CEP63: variants seen among roughly 807,000 people sequenced by gnomAD.
The protein encoded by CEP63 is centrosomal protein 63, also known as centrosomal protein of 63 kDa.
In CEP63, 84 loss-of-function variants were observed where a neutral mutation model predicts 89.1. The ratio of observed to expected loss-of-function variants is 0.94; its 90% CI spans 0.79 to 1.13. The LOEUF (loss-of-function observed/expected upper bound fraction) is 1.13. Among genes scored for constraint, CEP63 ranks in the 50% most tolerant of loss-of-function variants. The pLI, the probability that CEP63 is intolerant of heterozygous loss-of-function variation, is 0.00. For missense variants in CEP63, 838 were observed against 813.3 expected (o/e 1.03, Z -0.37); for synonymous variants, 267 against 272.5 (o/e 0.98, Z 0.20).
chr3:134,614,154 C>T, the CEP63 span, among the ~76,000 whole-genome samples: 3 of 152,014 alleles, frequency 2.0e-5, no homozygotes, highest in South Asian at 6.2e-4. Flanking sequence ...CCTGGAGAGC[C>T]CAAAGGTGGA....
the CEP63 span, among the ~76,000 whole-genome samples, chr3:134,770,186 A>G: frequency 1.3e-5 from 2 of 152,194 alleles, no homozygotes; most frequent in Non-Finnish European, 2.9e-5. Flanking sequence ...GCCCACTGAA[A>G]TCTCTTGGGA....
chr3:134,718,796 C>T, the CEP63 span, among the ~76,000 whole-genome samples: 7 of 152,308 alleles, frequency 4.6e-5, no homozygotes, highest in South Asian at 2.1e-4. Context: ...GATTCCAAAG[C>T]GGATTTGATC....
chr3:134,735,904 C>A, the CEP63 span, among the ~76,000 whole-genome samples: 139 of 152,086 alleles, frequency 9.1e-4, 1 homozygote, highest in South Asian at 0.013. Flanking sequence ...ACTAATCCCC[C>A]AACTCATTTA....
the CEP63 span, among the ~76,000 whole-genome samples, chr3:134,665,616 G>C: frequency 2.7e-5 from 4 of 149,432 alleles, no homozygotes; most frequent in East Asian, 8.0e-4. Flanking sequence ...CTCCAGGAAG[G>C]GTGAAGACAG....
intron 8 of CEP63, 115 bp from the exon 9 acceptor site, chr3:134,547,220 A>G (rs1475397565): frequency 4.4e-6 from 4 of 909,274 alleles, no homozygotes; most frequent in Non-Finnish European, 7.1e-6. Flanking sequence ...GCAGGAGACA[A>G]ACTTGAAGAG....
the CEP63 span, among the ~76,000 whole-genome samples, chr3:134,635,143 A>G: frequency 6.6e-6 from 1 of 152,252 alleles, no homozygotes. Flanking sequence ...TGAACTGGAA[A>G]CAACTTAAAC....
the CEP63 span, among the ~76,000 whole-genome samples, chr3:134,609,963 A>G: frequency 6.6e-6 from 1 of 152,136 alleles, no homozygotes; most frequent in African/African-American, 2.4e-5. Context: ...GGAGGGAGTT[A>G]TAGGGAGTCA....
At chr3:134,720,067 C>T in the CEP63 span, among the ~76,000 whole-genome samples, 83,832 of 151,996 alleles carry the variant, frequency 0.55, 24,653 homozygotes, top group East Asian at 0.78. Flanking sequence ...AGTGGCTGCA[C>T]CATTTTACAT....
At chr3:134,549,259 T>G in intron 10 of CEP63, 83 bp downstream of exon 10, 1 of 853,520 alleles carries the variant, frequency 1.2e-6, no homozygotes, top group South Asian at 1.4e-5. Flanking sequence ...GGGGTTATTT[T>G]TAATGAGAAA....
At chr3:134,711,280 A>T in the CEP63 span, among the ~76,000 whole-genome samples, 1 of 152,154 alleles carries the variant, frequency 6.6e-6, no homozygotes, top group Admixed American at 6.5e-5. Flanking sequence ...TCTCATTTTT[A>T]ATTTGCTTTA....
In CEP63 at chr3:134,562,066, G is replaced by T. The variant is rs549971647; in HGVS notation, c.*531G>T. 1.3e-4 allele frequency: 125 copies of T among 994,936 alleles called. No individual in the cohort carries two copies. Among genetic ancestry groups the T allele is most frequent in the Admixed American group, 6.2e-4 (11 of 17,670 alleles). 61.6% of individuals were successfully genotyped at this position (994,936 alleles called of 1,614,324 possible). A position where few individuals can be genotyped will look rare whatever the true frequency, so the allele number is the denominator to read the frequency against. The stretch of plus-strand genomic sequence containing the variant: ...AAAGTCAGGCTGGTAGTGAATAAGG[G>T]GGGGGTGTGCTAAAGAACCTTATCA... On this transcript the variant is annotated 3_prime_UTR_variant, in exon 15 of 15. Coordinates refer to ENST00000675561, the MANE Select transcript of CEP63 (RefSeq NM_001353108.3).
the CEP63 span, among the ~76,000 whole-genome samples, chr3:134,728,118 C>T: frequency 9.2e-5 from 14 of 152,232 alleles, no homozygotes; most frequent in African/African-American, 3.4e-4. Flanking sequence ...ACATGTTTAA[C>T]CTCACTAAAA....
the CEP63 span, among the ~76,000 whole-genome samples, chr3:134,719,010 T>A: frequency 1.6e-4 from 24 of 152,224 alleles, 1 homozygote; most frequent in Non-Finnish European, 2.6e-4. Flanking sequence ...CCACTAGGTA[T>A]GAATTCTGTG....
At chr3:134,532,350 T>C (rs1950010005) in intron 4 of CEP63, among the ~76,000 whole-genome samples, 1 of 152,250 alleles carries the variant, frequency 6.6e-6, no homozygotes, top group Non-Finnish European at 1.5e-5. Context: ...TAACTCAATT[T>C]TATTCTTCAG....
the CEP63 span, among the ~76,000 whole-genome samples, chr3:134,616,421 T>C: frequency 6.6e-6 from 1 of 152,228 alleles, no homozygotes; most frequent in Non-Finnish European, 1.5e-5. Flanking sequence ...GCGGATTATA[T>C]GTCCTCAGTT....
chr3:134,758,506 A>G, the CEP63 span, among the ~76,000 whole-genome samples: 2 of 152,222 alleles, frequency 1.3e-5, no homozygotes, highest in African/African-American at 2.4e-5. Context: ...GCCGCCCAGA[A>G]GGTATGCGGG....
chr3:134,549,761 AAG>A (rs1954398398), intron 10 of CEP63, among the ~76,000 whole-genome samples: 2 of 152,214 alleles, frequency 1.3e-5, no homozygotes, highest in African/African-American at 4.8e-5. Context: ...AACTAAAAAA[AAG>A]AATGAAGGTC....
the CEP63 span, among the ~76,000 whole-genome samples, chr3:134,776,473 C>T: frequency 7.9e-5 from 12 of 152,058 alleles, no homozygotes; most frequent in African/African-American, 1.7e-4. Context: ...AATTTGGACC[C>T]GCTACATATC....
chr3:134,622,723 G>T, the CEP63 span, among the ~76,000 whole-genome samples: 4 of 152,114 alleles, frequency 2.6e-5, no homozygotes, highest in East Asian at 5.8e-4. Context: ...AGCTTTCTTC[G>T]TAGGGGCCCT....
Sources: allele counts gnomAD v4.1 joint callset (sites outside exome capture counted in the v4.1 genomes callset), GRCh38; gene constraint gnomAD v4.1.1; transcripts MANE v1.5; gene names NCBI Gene and HGNC (gene_info 2026-07-23, HGNC 2026-07-21).